GNS: variants seen among roughly 807,000 people sequenced by gnomAD.
GNS encodes N-acetylglucosamine-6-sulfatase.
A neutral mutation model predicts 69.7 loss-of-function variants in GNS; 40 were observed. The ratio of observed to expected loss-of-function variants is 0.57; its 90% CI spans 0.45 to 0.75. The LOEUF is 0.75. GNS is among the 30% of genes least tolerant of loss of function. The pLI is 0.00. For missense variants in GNS, 565 were observed against 685.5 expected, an observed-to-expected ratio of 0.82 and a Z score of 1.96; for synonymous variants, 243 against 251.6, an observed-to-expected ratio of 0.97 and a Z score of 0.32.
intron 3 of GNS, among the ~76,000 whole-genome samples, chr12:64,747,043 T>A (rs533481469): frequency 2.0e-5 from 3 of 152,248 alleles, no homozygotes; most frequent in Non-Finnish European, 2.9e-5. Context: ...TCCTTTAAGC[T>A]TGGACTTTGG....
rs1870401504 is a variant in GNS, at chr12:64,759,378, G to T, written c.-102C>A. 2.6e-6 allele frequency: 2 copies of T among 773,052 alleles called. No individual in the cohort carries two copies. Among genetic ancestry groups the T allele is most frequent in the Non-Finnish European group, 4.0e-6 (2 of 496,054 alleles). The allele number at this position is 773,052 out of a possible 1,614,324, so 47.9% of individuals were successfully genotyped here. ...ACCAGCCGAAGGAATAAAAAGCCGT[G>T]CCTTGAAGGCCGGTGGCTGGAGTCA... On this transcript the variant is annotated 5_prime_UTR_variant, in exon 1 of 14. Coordinates refer to ENST00000258145, the MANE Select transcript of GNS (RefSeq NM_002076.4).
In GNS at chr12:64,714,775, C is replaced by T. The variant is rs1008434487; in HGVS notation, c.*1966G>A. On this transcript the variant is annotated 3_prime_UTR_variant, in exon 14 of 14. Coordinates refer to ENST00000258145, the MANE Select transcript of GNS (RefSeq NM_002076.4). ...TTTGGAAATAACTATGGTCAACTTTCATTAATGTGGAAGTTGACTGATAAT... is the reference window on the plus strand; with the variant it reads ...TTTGGAAATAACTATGGTCAACTTTTATTAATGTGGAAGTTGACTGATAAT... 2 of 152,352 alleles carry T rather than the reference C, an allele frequency of 1.3e-5. No homozygotes were observed. Among genetic ancestry groups the T allele is most frequent in the Non-Finnish European group, 2.9e-5 (2 of 68,028 alleles). 9.4% of individuals were successfully genotyped at this position (152,352 alleles called of 1,614,324 possible).
chr12:64,723,258 C>T, intron 10 of GNS, 145 bp from the exon 11 acceptor site: 1 of 675,090 alleles, frequency 1.5e-6, no homozygotes, highest in South Asian at 1.6e-5. Flanking sequence ...AAAACAGGTA[C>T]ATATGAAAGC....
rs766823105 is a variant in GNS, at chr12:64,739,460, T to C, written c.915A>G (p.Lys305=). 5.0e-6 allele frequency: 8 copies of C among 1,609,328 alleles called. No individual in the cohort carries two copies. In the South Asian group the frequency reaches 6.6e-5, roughly 13 times the overall value. The part of the protein sequence containing the change: ...TLLSVDDLVE[K]LVKRLEFTGE... ...CAGTGAACTCCAGCCTCTTGACCAG[T>C]TTCTCCACAAGGTCATCAACTGAGA... is the stretch of plus-strand genomic sequence containing the variant. The change falls in exon 8 of 14, where the codon AAA becomes AAG. Residue 305 remains lysine, a synonymous_variant. Transcript: ENST00000258145.
intron 9 of GNS, 25 bp from the exon 10 acceptor site, chr12:64,729,082 C>T: frequency 8.5e-7 from 1 of 1,173,014 alleles, no homozygotes; most frequent in Non-Finnish European, 1.3e-6. Flanking sequence ...GAAAAACAAT[C>T]TAGAACACAG....
Position 64,748,921 on chromosome 12 carries a change from A to T in GNS, c.253-1003T>A, listed in dbSNP as rs1869981293. Among the ~76,000 whole-genome samples the T allele has an allele frequency of 2.6e-5, 4 of 152,242 alleles. No individual in the cohort carries two copies. The South Asian group carries it at 8.3e-4, about 32-fold the overall frequency. On this transcript the variant is annotated intron_variant, in intron 2 of 13. Coordinates refer to ENST00000258145, the MANE Select transcript of GNS (RefSeq NM_002076.4). ...TATTAGCAAGTTTTTTTGCCTTTCA[A>T]ATTTGATTTGGCATTTTTATTTTTA...
At chr12:64,726,924 A>G (rs1869219341) in intron 10 of GNS, among the ~76,000 whole-genome samples, 1 of 88,336 alleles carries the variant, frequency 1.1e-5, no homozygotes, top group Non-Finnish European at 2.1e-5. Flanking sequence ...GATCAATAAC[A>G]CAATAAAAAA....
chr12:64,719,519 G>A (rs1044349889), intron 13 of GNS, among the ~76,000 whole-genome samples: 4 of 152,186 alleles, frequency 2.6e-5, no homozygotes, highest in South Asian at 2.1e-4. Context: ...CCTCCATATC[G>A]TGCAATGGGC....
At chr12:64,720,285 TA>T (rs59819055) in intron 12 of GNS, 103 bp from the exon 13 acceptor site, 160,071 of 576,260 alleles carry the variant, frequency 0.28, 455 homozygotes, top group South Asian at 0.35. Context: ...GGAGGTAGAT[TA>T]AAAAAAAAAA....
At chr12:64,732,153 A>ATTATTTTTTT in intron 9 of GNS, among the ~76,000 whole-genome samples, 1 of 88,756 alleles carries the variant, frequency 1.1e-5, no homozygotes, top group Non-Finnish European at 2.1e-5. Context: ...CACCTGGCTA[A>ATTATTTTTTT]TTTTTTTTTT....
At chr12:64,719,046 G>C (rs74712398) in intron 13 of GNS, among the ~76,000 whole-genome samples, 5,969 of 152,204 alleles carry the variant, frequency 0.039, 388 homozygotes, top group African/African-American at 0.14. Context: ...TTTCATTTAA[G>C]TGATATAAAA....
At chr12:64,745,484 T>G (rs532065714) in intron 4 of GNS, among the ~76,000 whole-genome samples, 175 bp downstream of exon 4, 75 of 152,184 alleles carry the variant, frequency 4.9e-4, no homozygotes, top group South Asian at 1.9e-3. Context: ...CCTCCCAAAG[T>G]GTTGGGATTC....
Position 64,728,961 on chromosome 12 carries a change from T to C in GNS, c.1195A>G (p.Ile399Val). ...ATTGAGGGCGCTATACTTACCAAAA[T>C]GGGCAATAAGGACATCCCATCCATC... ...TQMDGMSLLP[I>V]LRGASNLTWR... Residue 399 changes from isoleucine to valine, a missense_variant, in exon 10 of 14, where the codon ATT (isoleucine) becomes GTT (valine). Physicochemically the swap from Ile to Val is conservative, Grantham distance 29. Transcript: ENST00000258145. The C allele has an allele frequency of 6.7e-7, 1 of 1,498,070 alleles. No individual in the cohort carries two copies. Among genetic ancestry groups the C allele is most frequent in the Non-Finnish European group, 9.3e-7 (1 of 1,073,936 alleles). 92.8% of individuals were successfully genotyped at this position (1,498,070 alleles called of 1,614,324 possible).
chr12:64,739,356 A>G (rs1471897171), intron 8 of GNS, 25 bp downstream of exon 8: 3 of 1,047,366 alleles, frequency 2.9e-6, no homozygotes, highest in African/African-American at 3.1e-5. Flanking sequence ...CAAAGATCAC[A>G]GCAGTACCTA....
chr12:64,731,886 T>A (rs766447905), intron 9 of GNS, among the ~76,000 whole-genome samples: 1 of 152,142 alleles, frequency 6.6e-6, no homozygotes, highest in Non-Finnish European at 1.5e-5. Context: ...CAGTGAGCCA[T>A]GTTTGAGCCA....
Position 64,737,986 on chromosome 12 carries a change from A to G in GNS, c.995-879T>C, listed in dbSNP as rs1211804208. Among the ~76,000 whole-genome samples the G allele has an allele frequency of 5.3e-5, 8 of 151,964 alleles. No individual in the cohort carries two copies. The East Asian group carries it at 1.5e-3, about 29-fold the overall frequency. On this transcript the variant is annotated intron_variant, in intron 8 of 13. Transcript: ENST00000258145. ...CAGAGTTAGGAGATACAAGAACTAA[A>G]GGTAGTATGTGGACTTTGCCTGCAT...
chr12:64,718,491 T>C (rs766489143), intron 13 of GNS, among the ~76,000 whole-genome samples: 1 of 152,216 alleles, frequency 6.6e-6, no homozygotes, highest in Non-Finnish European at 1.5e-5. Flanking sequence ...GTTTCCTCAT[T>C]TGAAATTTAC....
At chr12:64,725,974 C>T (rs1187785710) in intron 10 of GNS, among the ~76,000 whole-genome samples, 18 of 109,458 alleles carry the variant, frequency 1.6e-4, no homozygotes, top group Non-Finnish European at 1.0e-4. Flanking sequence ...CCAACCTGGG[C>T]GACAGAGCTA....
intron 1 of GNS, among the ~76,000 whole-genome samples, chr12:64,758,435 T>C (rs1565630340): frequency 6.8e-6 from 1 of 147,508 alleles, no homozygotes; most frequent in African/African-American, 2.5e-5. Context: ...CGATTCTCCT[T>C]CCTCAGCCTC....
Sources: allele counts gnomAD v4.1 joint callset (sites outside exome capture counted in the v4.1 genomes callset), GRCh38; gene constraint gnomAD v4.1.1; transcripts MANE v1.5; gene names NCBI Gene and HGNC (gene_info 2026-07-23, HGNC 2026-07-21).